FGFR2: variants seen among roughly 807,000 people sequenced by gnomAD.
FGFR2 encodes fibroblast growth factor receptor 2.
A neutral mutation model predicts 95.9 loss-of-function variants in FGFR2; 19 were observed. That is an observed-to-expected ratio of 0.20 (90% confidence interval 0.14 to 0.29). The LOEUF (loss-of-function observed/expected upper bound fraction) is 0.29. Ranked by LOEUF, FGFR2 falls within the 10% of genes least tolerant of loss-of-function variation. The pLI, the probability that FGFR2 is intolerant of heterozygous loss-of-function variation, is 1.00. For missense variants in FGFR2, 707 were observed against 1,056.9 expected, an observed-to-expected ratio of 0.67 and a Z score of 4.59; for synonymous variants, 392 against 393.3, an observed-to-expected ratio of 1.00 and a Z score of 0.04.
intron 2 of FGFR2, among the ~76,000 whole-genome samples, chr10:121,574,112 CTCTG>C (rs1564719016): frequency 6.6e-6 from 1 of 152,178 alleles, no homozygotes; most frequent in Non-Finnish European, 1.5e-5. Context: ...ATACCCAATT[CTCTG>C]TCCGTAGGAA....
intron 2 of FGFR2, 81 bp from the exon 3 acceptor site, chr10:121,565,785 G>T (rs1857590982): frequency 6.5e-7 from 1 of 1,538,532 alleles, no homozygotes; most frequent in African/African-American, 1.4e-5. Flanking sequence ...GTCAGTGGAG[G>T]CCTGCTTATT....
chr10:121,554,751 AAAT>A (rs1026496933), intron 4 of FGFR2, among the ~76,000 whole-genome samples: 19 of 152,248 alleles, frequency 1.2e-4, no homozygotes, highest in African/African-American at 4.3e-4. Context: ...AGATCTAGAA[AAAT>A]AATAATACTA....
At chr10:121,491,883 A>G (rs1846184543) in intron 13 of FGFR2, among the ~76,000 whole-genome samples, 1 of 151,270 alleles carries the variant, frequency 6.6e-6, no homozygotes, top group Non-Finnish European at 1.5e-5. Flanking sequence ...CAAAAAAAAA[A>G]AAAAACTGCT....
At chr10:121,577,433 A>AGT (rs1860091103) in intron 2 of FGFR2, among the ~76,000 whole-genome samples, 1 of 151,876 alleles carries the variant, frequency 6.6e-6, no homozygotes, top group South Asian at 2.1e-4. Flanking sequence ...AGGTCTTCTC[A>AGT]GTGTGGAAGG....
chr10:121,543,266 T>G (rs1403741115), intron 5 of FGFR2, among the ~76,000 whole-genome samples: 2 of 152,134 alleles, frequency 1.3e-5, no homozygotes, highest in African/African-American at 4.8e-5. Flanking sequence ...TCCCAGCACT[T>G]TGGGAGGCCG....
chr10:121,573,579 G>A lies in FGFR2; in HGVS notation c.110-7875C>T, dbSNP rs184682170. 5.9e-5 allele frequency among the ~76,000 whole-genome samples: 9 copies of A among 152,036 alleles called. No individual in the cohort carries two copies. In the East Asian group the frequency reaches 7.8e-4, roughly 13 times the overall value. ...GAGGGGGAAAAAGGAGAGGAGAGAC[G>A]GAGACAAGGAAAAGGAAGGGAGAGA... On this transcript the variant is annotated intron_variant, in intron 2 of 17. Transcript: ENST00000358487.
intron 6 of FGFR2, among the ~76,000 whole-genome samples, chr10:121,524,101 T>TACATAC (rs1491124694): frequency 4.5e-5 from 4 of 89,132 alleles, no homozygotes; most frequent in African/African-American, 1.4e-4. Flanking sequence ...CGGCTATGTA[T>TACATAC]ACACACACAC....
intron 6 of FGFR2, among the ~76,000 whole-genome samples, chr10:121,536,742 C>A (rs1034082256): frequency 6.6e-6 from 1 of 152,160 alleles, no homozygotes; most frequent in East Asian, 1.9e-4. Context: ...GAGCCCAGAC[C>A]GGAGTGGCCG....
chr10:121,516,988 T>C (rs2134248869), intron 8 of FGFR2, among the ~76,000 whole-genome samples: 1 of 152,334 alleles, frequency 6.6e-6, no homozygotes, highest in Non-Finnish European at 1.5e-5. Flanking sequence ...GAGAATAAAT[T>C]ACTTTGAATT....
chr10:121,514,805 G>A (rs1298204269), intron 9 of FGFR2, among the ~76,000 whole-genome samples: 1 of 152,188 alleles, frequency 6.6e-6, no homozygotes, highest in African/African-American at 2.4e-5. Context: ...AGAGACCGCT[G>A]TACTTGAGTC....
At chr10:121,563,849 A>G (rs1857301708) in intron 4 of FGFR2, among the ~76,000 whole-genome samples, 1 of 152,192 alleles carries the variant, frequency 6.6e-6, no homozygotes, top group Non-Finnish European at 1.5e-5. Flanking sequence ...CATGGCCCTC[A>G]TTAAGCAAGC....
chr10:121,484,952 G>T (rs1237430275), intron 16 of FGFR2, among the ~76,000 whole-genome samples: 1 of 152,058 alleles, frequency 6.6e-6, no homozygotes, highest in Non-Finnish European at 1.5e-5. Context: ...GGGCCAGGCG[G>T]GGGCCAGGCA....
rs1458466696 is a variant in FGFR2 at position 121,479,581 on chromosome 10, C to T, written c.*276G>A. 6.5e-7 allele frequency: 1 copy of T among 1,548,570 alleles called. No homozygotes were observed. Among genetic ancestry groups the T allele is most frequent in the African/African-American group, 1.4e-5 (1 of 72,968 alleles). Reference sequence around the variant, plus strand: ...GCAGAACGCACGTCCACCTTGAGTCCTACTGGTCCACAGCCAGTACGCACG... The same window carrying T: ...GCAGAACGCACGTCCACCTTGAGTCTTACTGGTCCACAGCCAGTACGCACG... On this transcript the variant is annotated 3_prime_UTR_variant, in exon 18 of 18. Coordinates refer to ENST00000358487, the MANE Select transcript of FGFR2 (RefSeq NM_000141.5).
chr10:121,524,509 G>A (rs1271413494), intron 6 of FGFR2, among the ~76,000 whole-genome samples: 1 of 152,128 alleles, frequency 6.6e-6, no homozygotes, highest in African/African-American at 2.4e-5. Context: ...TAAACAAGTC[G>A]GAGGAGGAGG....
rs41293767 is a variant in FGFR2, at chr10:121,496,286, T to C, written c.1863+246A>G. Among the ~76,000 whole-genome samples, 1,297 of 152,226 alleles carry C rather than the reference T, an allele frequency of 8.5e-3. 23 individuals carry two copies. The highest frequency in any genetic ancestry group is 0.029 in the African/African-American group (1,206 of 41,540). On this transcript the variant is annotated intron_variant, in intron 13 of 17. Transcript: ENST00000358487. ...GCTGAATTCCGAGGGAAATCACACATGGTCCTGTCTCAAAGAAGAGGTATC... is the reference window on the plus strand; with the variant it reads ...GCTGAATTCCGAGGGAAATCACACACGGTCCTGTCTCAAAGAAGAGGTATC...
chr10:121,560,977 C>A (rs907759521), intron 4 of FGFR2, among the ~76,000 whole-genome samples: 15 of 152,192 alleles, frequency 9.9e-5, no homozygotes, highest in African/African-American at 3.6e-4. Flanking sequence ...AGAACCACTG[C>A]CCTAAGCTTC....
intron 2 of FGFR2, among the ~76,000 whole-genome samples, chr10:121,585,332 T>C (rs970551814): frequency 6.6e-6 from 1 of 152,226 alleles, no homozygotes; most frequent in African/African-American, 2.4e-5. Context: ...CAGACAATTA[T>C]CACTATACAC....
At chr10:121,580,171 G>A (rs11200017) in intron 2 of FGFR2, among the ~76,000 whole-genome samples, 24,142 of 152,184 alleles carry the variant, frequency 0.16, 2,351 homozygotes, top group East Asian at 0.27. Flanking sequence ...AAAAGAAAAG[G>A]GAAGGTTAAG....
chr10:121,529,468 A>G (rs752303499), intron 6 of FGFR2, among the ~76,000 whole-genome samples: 24 of 152,244 alleles, frequency 1.6e-4, no homozygotes, highest in Non-Finnish European at 3.1e-4. Context: ...CAGAGTGTAC[A>G]CTGAACCAGT....
Sources: gnomAD v4.1 joint callset for allele counts (sites outside exome capture counted in the v4.1 genomes callset) on GRCh38, gnomAD v4.1.1 for gene constraint, MANE v1.5 for transcripts, NCBI Gene and HGNC (gene_info 2026-07-23, HGNC 2026-07-21) for gene names.